Variants in CSMD3 observed in about 807,000 individuals in gnomAD.
CSMD3 encodes CUB and sushi domain-containing protein 3.
Under a neutral mutation model 435.2 loss-of-function variants are expected in CSMD3, and 177 were observed. That is an observed-to-expected ratio of 0.41 (90% CI 0.36 to 0.46). The LOEUF (loss-of-function observed/expected upper bound fraction) is 0.46. Ranked by LOEUF, CSMD3 falls within the 20% of genes least tolerant of loss-of-function variation. The pLI is 0.34. For synonymous variants in CSMD3, 1,656 were observed against 1,520.5 expected (o/e 1.09, Z -2.07); for missense variants, 4,265 against 4,504.6 (o/e 0.95, Z 1.52).
intron 13 of CSMD3, among the ~76,000 whole-genome samples, chr8:112,782,635 C>G (rs1182726914): frequency 1.3e-5 from 2 of 151,848 alleles, no homozygotes; most frequent in East Asian, 3.9e-4. Flanking sequence ...AAGAATACCA[C>G]AAGGCATCTA....
intron 31 of CSMD3, among the ~76,000 whole-genome samples, chr8:112,484,740 C>T (rs890183536): frequency 6.6e-6 from 1 of 152,000 alleles, no homozygotes; most frequent in Non-Finnish European, 1.5e-5. Flanking sequence ...ATCCAAAATG[C>T]TCCAAAATCT....
At chr8:112,794,717 AAG>A (rs899078996) in intron 13 of CSMD3, among the ~76,000 whole-genome samples, 1 of 152,178 alleles carries the variant, frequency 6.6e-6, no homozygotes, top group Non-Finnish European at 1.5e-5. Flanking sequence ...TACAAAAAGA[AAG>A]AACTGCCAGT....
intron 13 of CSMD3, among the ~76,000 whole-genome samples, chr8:112,774,633 T>A (rs1165559941): frequency 6.6e-6 from 1 of 152,010 alleles, no homozygotes; most frequent in Admixed American, 6.6e-5. Context: ...ATGTTATCTT[T>A]GATTATCCCC....
intron 45 of CSMD3, among the ~76,000 whole-genome samples, chr8:112,320,639 C>G (rs139889072): frequency 7.1e-6 from 1 of 141,006 alleles, no homozygotes; most frequent in African/African-American, 2.6e-5. Flanking sequence ...TCCCTCCCCC[C>G]TCCCCTCCAC....
At chr8:112,510,390 A>G (rs1209588400) in intron 28 of CSMD3, among the ~76,000 whole-genome samples, 1 of 152,194 alleles carries the variant, frequency 6.6e-6, no homozygotes, top group African/African-American at 2.4e-5. Context: ...TTATACTCAA[A>G]TATTATCATA....
chr8:112,921,933 T>C (rs146317142), intron 9 of CSMD3, among the ~76,000 whole-genome samples, 182 bp from the exon 10 acceptor site: 18 of 152,238 alleles, frequency 1.2e-4, no homozygotes, highest in African/African-American at 3.9e-4. Flanking sequence ...TTTAATCATC[T>C]TGTTAATAGA....
At chr8:113,190,670 GA>G (rs954456459) in intron 3 of CSMD3, among the ~76,000 whole-genome samples, 2 of 147,616 alleles carry the variant, frequency 1.4e-5, no homozygotes, top group Non-Finnish European at 3.0e-5. Context: ...TGGTGGAAAA[GA>G]AAGATTTACT....
At chr8:112,493,697 A>G (rs1319832458) in intron 30 of CSMD3, among the ~76,000 whole-genome samples, 1 of 152,160 alleles carries the variant, frequency 6.6e-6, no homozygotes, top group Non-Finnish European at 1.5e-5. Flanking sequence ...GAACAAAGAG[A>G]CTGACAGAAT....
At chr8:113,280,284 G>C (rs2132467948) in intron 2 of CSMD3, among the ~76,000 whole-genome samples, 1 of 151,814 alleles carries the variant, frequency 6.6e-6, no homozygotes, top group South Asian at 2.1e-4. Context: ...CTGTGAATCT[G>C]TCTGGTCTTG....
intron 2 of CSMD3, among the ~76,000 whole-genome samples, chr8:113,308,048 T>C (rs1459560536): frequency 6.6e-6 from 1 of 152,098 alleles, no homozygotes; most frequent in Non-Finnish European, 1.5e-5. Context: ...TACAACTTTA[T>C]GTGTTTTTGC....
intron 10 of CSMD3, among the ~76,000 whole-genome samples, chr8:112,872,109 G>C (rs2130061713): frequency 6.6e-6 from 1 of 152,024 alleles, no homozygotes; most frequent in South Asian, 2.1e-4. Context: ...TTGACAGTTG[G>C]TCATGAAATA....
At chr8:113,431,588 A>C (rs1250995283) in intron 1 of CSMD3, among the ~76,000 whole-genome samples, 1 of 152,220 alleles carries the variant, frequency 6.6e-6, no homozygotes, top group Admixed American at 6.5e-5. Flanking sequence ...GAAGCCCCTG[A>C]TAAGTAAGTA....
chr8:112,597,670 T>G (rs1831869917), intron 22 of CSMD3, among the ~76,000 whole-genome samples: 1 of 132,638 alleles, frequency 7.5e-6, no homozygotes, highest in Non-Finnish European at 1.6e-5. Context: ...TTATCCACCA[T>G]GATCAAGTGG....
At chr8:113,225,046 G>C (rs2093011007) in intron 3 of CSMD3, among the ~76,000 whole-genome samples, 1 of 151,210 alleles carries the variant, frequency 6.6e-6, no homozygotes, top group South Asian at 2.1e-4. Context: ...ATTTTGAGAA[G>C]TATGAAGGAG....
intron 4 of CSMD3, among the ~76,000 whole-genome samples, chr8:113,110,825 TC>T (rs1052894467): frequency 6.6e-6 from 1 of 152,216 alleles, no homozygotes; most frequent in African/African-American, 2.4e-5. Flanking sequence ...TTTAGTCTAT[TC>T]AAGCTATTAT....
At chr8:112,494,518 TCTTTCTTTCTTTCTTTCTTTC>T (rs1821094654) in intron 30 of CSMD3, among the ~76,000 whole-genome samples, 2 of 126,668 alleles carry the variant, frequency 1.6e-5, no homozygotes, top group Non-Finnish European at 3.4e-5. Context: ...TTTCTTTCTT[TCTTTCTTTCTTTCTTTCTTTC>T]TTTCTTTCTT....
intron 5 of CSMD3, among the ~76,000 whole-genome samples, chr8:113,084,524 A>C (rs2089682356): frequency 6.6e-6 from 1 of 151,736 alleles, no homozygotes; most frequent in Non-Finnish European, 1.5e-5. Flanking sequence ...TGACCATACA[A>C]CCTGAAGGAA....
At chr8:112,519,801 G>T (rs1490304603) in intron 27 of CSMD3, among the ~76,000 whole-genome samples, 3 of 152,202 alleles carry the variant, frequency 2.0e-5, no homozygotes, top group Non-Finnish European at 4.4e-5. Flanking sequence ...CTTAGGGACA[G>T]TTAAAGAACA....
chr8:113,280,624 T>G (rs769316271), intron 2 of CSMD3, among the ~76,000 whole-genome samples: 1 of 151,960 alleles, frequency 6.6e-6, no homozygotes, highest in Non-Finnish European at 1.5e-5. Context: ...GTTTCATTTA[T>G]CTTTTGTAAT....
Sources: gnomAD v4.1 joint callset for allele counts (sites outside exome capture counted in the v4.1 genomes callset) on GRCh38, gnomAD v4.1.1 for gene constraint, MANE v1.5 for transcripts, NCBI Gene and HGNC (gene_info 2026-07-23, HGNC 2026-07-21) for gene names.